Variants in SLC6A3 observed in about 807,000 individuals in gnomAD.
SLC6A3 encodes sodium-dependent dopamine transporter.
Under a neutral mutation model 70.4 loss-of-function variants are expected in SLC6A3, and 19 were observed. The ratio of observed to expected loss-of-function variants is 0.27; its 90% confidence interval spans 0.19 to 0.40. The LOEUF is 0.40. SLC6A3 is among the 10% of genes least tolerant of loss of function. The pLI is 1.00. For synonymous variants in SLC6A3, 368 were observed against 356.6 expected (o/e 1.03, Z -0.36); for missense variants, 613 against 838.5 (o/e 0.73, Z 3.32).
Position 1,436,253 on chromosome 5 carries a change from G to A in SLC6A3, c.419-3555C>T, listed in dbSNP as rs1017323785. Reference sequence around the variant, plus strand: ...GCCAACTTCACCACGAGCTCCTCAAGCTCACCGAAGGCCCAGACGCAGGAA... The same window carrying A: ...GCCAACTTCACCACGAGCTCCTCAAACTCACCGAAGGCCCAGACGCAGGAA... On this transcript the variant is annotated intron_variant, in intron 3 of 14. Transcript: ENST00000270349. This position sits in a 1 kb window ranked among gnomAD's most constrained non-coding sequence, Gnocchi z 5.2. 2.0e-5 allele frequency among the ~76,000 whole-genome samples: 3 copies of A among 152,240 alleles called. No homozygotes were observed. Among genetic ancestry groups the A allele is most frequent in the African/African-American group, 4.8e-5 (2 of 41,470 alleles).
At position 1,421,332 on chromosome 5, in the gene SLC6A3, C is replaced by G; in HGVS notation, c.792+544G>C. On this transcript the variant is annotated intron_variant, in intron 5 of 14. Coordinates refer to ENST00000270349, the MANE Select transcript of SLC6A3 (RefSeq NM_001044.5). The surrounding 1 kb of genome is among the most constrained non-coding windows in gnomAD (Gnocchi z 7.2). ...AGCTGGGATTATAGGCACGTGCCACCGTGCCTGGCTAATTTCGTATTTTTA... is the reference window on the plus strand; with the variant it reads ...AGCTGGGATTATAGGCACGTGCCACGGTGCCTGGCTAATTTCGTATTTTTA... Among the ~76,000 whole-genome samples the G allele has an allele frequency of 6.6e-6, 1 of 152,072 alleles. No homozygotes were observed. Among genetic ancestry groups the G allele is most frequent in the Non-Finnish European group, 1.5e-5 (1 of 68,010 alleles).
rs41282615 is a variant in SLC6A3 at position 1,411,425 on chromosome 5, G to A, written c.1157-70C>T. 3,166 of 1,137,478 alleles carry A rather than the reference G, an allele frequency of 2.8e-3. 8 individuals are homozygous for A. The highest frequency in any genetic ancestry group is 4.2e-3 in the Middle Eastern group (16 of 3,774). The allele number at this position is 1,137,478 out of a possible 1,614,324, so 70.5% of individuals were successfully genotyped here. A position where few individuals can be genotyped will look rare whatever the true frequency, so the allele number is the denominator to read the frequency against. On this transcript the variant is annotated intron_variant, in intron 8 of 14. Transcript: ENST00000270349. The surrounding 1 kb of genome is among the most constrained non-coding windows in gnomAD (Gnocchi z 6.5). ...TCTCCCGCCCATCCTGCCCCACCCC[G>A]CCCCGAGAAGCATGGCCTGCCACAG...
At chr5:1,414,213 A>G (rs1756198196) in intron 8 of SLC6A3, among the ~76,000 whole-genome samples, 1 of 151,726 alleles carries the variant, frequency 6.6e-6, no homozygotes, top group Admixed American at 6.6e-5. Context: ...CGTGGCAAGC[A>G]AACATCTAGA....
intron 14 of SLC6A3, among the ~76,000 whole-genome samples, chr5:1,399,253 G>A (rs948858340): frequency 6.6e-6 from 1 of 152,010 alleles, no homozygotes; most frequent in Non-Finnish European, 1.5e-5. Context: ...AAGTCACAAT[G>A]GAAATTAAAA....
chr5:1,392,867 C>G lies in SLC6A3; in HGVS notation c.*1868G>C, dbSNP rs149525961. ...CTGAATAGAGATTGGTCAACAGACA[C>G]GGACAACACCTGGGTTGCTACACGG... On this transcript the variant is annotated 3_prime_UTR_variant, in exon 15 of 15. Coordinates refer to ENST00000270349, the MANE Select transcript of SLC6A3 (RefSeq NM_001044.5). The G allele has an allele frequency of 1.1e-4, 17 of 152,258 alleles. No homozygotes were observed. The highest frequency in any genetic ancestry group is 4.1e-4 in the African/African-American group (17 of 41,432). 9.4% of individuals were successfully genotyped at this position (152,258 alleles called of 1,614,324 possible).
intron 12 of SLC6A3, among the ~76,000 whole-genome samples, chr5:1,403,671 C>T (rs1273285099): frequency 6.6e-6 from 1 of 152,098 alleles, no homozygotes; most frequent in Non-Finnish European, 1.5e-5. Context: ...GAAGACACAA[C>T]TGTGACCCAT....
intron 9 of SLC6A3, among the ~76,000 whole-genome samples, chr5:1,410,201 G>A (rs1756083229): frequency 6.6e-6 from 1 of 152,216 alleles, no homozygotes; most frequent in Non-Finnish European, 1.5e-5. Flanking sequence ...TGAGCAAGAT[G>A]CGTCCCCCAC....
Position 1,406,234 on chromosome 5 carries a change from A to G in SLC6A3, c.1553T>C (p.Leu518Pro). The change falls in exon 12 of 15, where the codon CTG becomes CCG. Residue 518 changes from leucine to proline, a missense_variant. This residue lies in a region of SLC6A3 where 348 missense variants were observed against 481.2 expected (regional missense o/e 0.72). Coordinates refer to ENST00000270349, the MANE Select transcript of SLC6A3 (RefSeq NM_001044.5). The surrounding 1 kb of genome is among the most constrained non-coding windows in gnomAD (Gnocchi z 8.8). Reference protein sequence around the residue: ...IQQMTGQRPSLYWRLCWKLVS... With the variant: ...IQQMTGQRPSPYWRLCWKLVS... ...CAGCTTCCAGCACAGCCGCCAGTAC[A>G]GGCTGGGCCGCTGCCCGGTCATCTG... is the stretch of plus-strand genomic sequence containing the variant. 1 of 1,613,034 alleles carries G rather than the reference A, an allele frequency of 6.2e-7. No homozygotes were observed. Among genetic ancestry groups the G allele is most frequent in the Non-Finnish European group, 8.5e-7 (1 of 1,180,002 alleles).
Position 1,396,259 on chromosome 5 carries a change from A to T in SLC6A3, c.1840-1501T>A, listed in dbSNP as rs1323824206. 2.0e-5 allele frequency among the ~76,000 whole-genome samples: 3 copies of T among 152,224 alleles called. No individual in the cohort carries two copies. The highest frequency in any genetic ancestry group is 2.9e-5 in the Non-Finnish European group (2 of 68,038). On this transcript the variant is annotated intron_variant, in intron 14 of 14. Coordinates refer to ENST00000270349, the MANE Select transcript of SLC6A3 (RefSeq NM_001044.5). This position sits in a 1 kb window ranked among gnomAD's most constrained non-coding sequence, Gnocchi z 7.0. ...CGGTAGGTGAAACGTAGCTATGGAT[A>T]CAAACATTTCTGACCTAGATGGAAT...
rs760385170 is a variant in SLC6A3, at chr5:1,408,203, A to ATTTTTTTTT, written c.1498+814_1498+822dup. The stretch of plus-strand genomic sequence containing the variant: ...AGCCTTGTGCCACCACACCCGGCTA[A>ATTTTTTTTT]TTTTTTTTTTTTTTTTTTTTAGTAA... On this transcript the variant is annotated intron_variant, in intron 11 of 14. Coordinates refer to ENST00000270349, the MANE Select transcript of SLC6A3 (RefSeq NM_001044.5). This position sits in a 1 kb window ranked among gnomAD's most constrained non-coding sequence, Gnocchi z 6.4. Among the ~76,000 whole-genome samples the ATTTTTTTTT allele has an allele frequency of 7.6e-6, 1 of 131,542 alleles. No individual in the cohort carries two copies. The allele number at this position is 131,542 out of a possible 152,430, so 86.3% of individuals were successfully genotyped here. A position where few individuals can be genotyped will look rare whatever the true frequency, so the allele number is the denominator to read the frequency against.
At chr5:1,420,199 C>A (rs897924130) in intron 6 of SLC6A3, among the ~76,000 whole-genome samples, 1 of 152,244 alleles carries the variant, frequency 6.6e-6, no homozygotes, top group African/African-American at 2.4e-5. Flanking sequence ...CCGCCAACAG[C>A]TGCTTCTGTT....
Position 1,406,338 on chromosome 5 carries a change from C to A in SLC6A3, c.1499-50G>T. On this transcript the variant is annotated intron_variant, in intron 11 of 14. Coordinates refer to ENST00000270349, the MANE Select transcript of SLC6A3 (RefSeq NM_001044.5). This position sits in a 1 kb window ranked among gnomAD's most constrained non-coding sequence, Gnocchi z 8.8. ...TGTCCATCAGGGCAGCGCATTCCCCCGATGCTGGACACGTGTGGGGGTCCT... is the reference window on the plus strand; with the variant it reads ...TGTCCATCAGGGCAGCGCATTCCCCAGATGCTGGACACGTGTGGGGGTCCT... The A allele has an allele frequency of 1.4e-6, 2 of 1,466,194 alleles. No homozygotes were observed. Among genetic ancestry groups the A allele is most frequent in the Middle Eastern group, 1.7e-4 (1 of 5,806 alleles). 90.8% of individuals were successfully genotyped at this position (1,466,194 alleles called of 1,614,324 possible). A position where few individuals can be genotyped will look rare whatever the true frequency, so the allele number is the denominator to read the frequency against.
At position 1,438,500 on chromosome 5, in the gene SLC6A3, T is replaced by C. The variant is rs575208450; in HGVS notation, c.418+2859A>G. Among the ~76,000 whole-genome samples the C allele has an allele frequency of 1.1e-3, 173 of 152,380 alleles. 2 individuals carry two copies. Among genetic ancestry groups the C allele is most frequent in the Middle Eastern group, 3.4e-3 (1 of 294 alleles). ...CTGATGGAAGTCAGAGGTTCTCTACTAGCCCAAGTTGAGTTGGTGCTCTGA... is the reference window on the plus strand; with the variant it reads ...CTGATGGAAGTCAGAGGTTCTCTACCAGCCCAAGTTGAGTTGGTGCTCTGA... On this transcript the variant is annotated intron_variant, in intron 3 of 14. Transcript: ENST00000270349. The surrounding 1 kb of genome is among the most constrained non-coding windows in gnomAD (Gnocchi z 6.5).
rs1192941081 is a variant in SLC6A3 at position 1,438,723 on chromosome 5, C to T, written c.418+2636G>A. Among the ~76,000 whole-genome samples the T allele has an allele frequency of 1.4e-4, 22 of 152,306 alleles. No individual in the cohort carries two copies. In the South Asian group the frequency reaches 2.3e-3, roughly 16 times the overall value. The stretch of plus-strand genomic sequence containing the variant: ...AGAGGTGATTTAACTTGCTCCAACA[C>T]CAGGCTCACTGGCGGGAGTGGGGCA... On this transcript the variant is annotated intron_variant, in intron 3 of 14. Coordinates refer to ENST00000270349, the MANE Select transcript of SLC6A3 (RefSeq NM_001044.5). The surrounding 1 kb of genome is among the most constrained non-coding windows in gnomAD (Gnocchi z 6.5).
chr5:1,442,906 A>T lies in SLC6A3; in HGVS notation c.286+6T>A, dbSNP rs781075043. 3 of 1,614,040 alleles carry T rather than the reference A, an allele frequency of 1.9e-6. No individual in the cohort carries two copies. The Admixed American group carries it at 5.0e-5, about 27-fold the overall frequency. On this transcript the variant is annotated splice_donor_region_variant and intron_variant, in intron 2 of 14. Transcript: ENST00000270349. This position sits in a 1 kb window ranked among gnomAD's most constrained non-coding sequence, Gnocchi z 5.0. ...GCATGCTCAGGGAGGCTGAGATGGGACTTACCGCCACCATTTTTGTAGCAC... is the reference window on the plus strand; with the variant it reads ...GCATGCTCAGGGAGGCTGAGATGGGTCTTACCGCCACCATTTTTGTAGCAC...
At position 1,421,729 on chromosome 5, in the gene SLC6A3, C is replaced by T. The variant is rs1261642210; in HGVS notation, c.792+147G>A. On this transcript the variant is annotated intron_variant, in intron 5 of 14. Coordinates refer to ENST00000270349, the MANE Select transcript of SLC6A3 (RefSeq NM_001044.5). This position sits in a 1 kb window ranked among gnomAD's most constrained non-coding sequence, Gnocchi z 7.2. ...ATGAGTCTCCCAAACTCAACCATGG[C>T]CATGTGTCCACCCCAACCTGGCCAT... 1.5e-5 allele frequency: 13 copies of T among 855,286 alleles called. No homozygotes were observed. 53.0% of individuals were successfully genotyped at this position (855,286 alleles called of 1,614,324 possible). A position where few individuals can be genotyped will look rare whatever the true frequency, so the allele number is the denominator to read the frequency against.
chr5:1,441,050 G>A lies in SLC6A3; in HGVS notation c.418+309C>T, dbSNP rs1324504583. The stretch of plus-strand genomic sequence containing the variant: ...ATAACAGATGATTGACGGATGGACC[G>A]ATGGATGATAGGTAGATGGCAGATC... On this transcript the variant is annotated intron_variant, in intron 3 of 14. Coordinates refer to ENST00000270349, the MANE Select transcript of SLC6A3 (RefSeq NM_001044.5). Among the ~76,000 whole-genome samples the A allele has an allele frequency of 2.0e-5, 3 of 152,246 alleles. 1 individual carries two copies. The highest frequency in any genetic ancestry group is 4.8e-5 in the African/African-American group (2 of 41,470).
chr5:1,394,468 C>G lies in SLC6A3; in HGVS notation c.*267G>C, dbSNP rs111236630. On this transcript the variant is annotated 3_prime_UTR_variant, in exon 15 of 15. Coordinates refer to ENST00000270349, the MANE Select transcript of SLC6A3 (RefSeq NM_001044.5). The surrounding 1 kb of genome is among the most constrained non-coding windows in gnomAD (Gnocchi z 4.7). Reference sequence around the variant, plus strand: ...AGACAGCATGAAGTTAGACGTTTTTCTGCCCTGCAGGGACAACAACGGGGT... The same window carrying G: ...AGACAGCATGAAGTTAGACGTTTTTGTGCCCTGCAGGGACAACAACGGGGT... 3.4e-5 allele frequency: 20 copies of G among 587,004 alleles called. 2 individuals are homozygous for G. The highest frequency in any genetic ancestry group is 3.2e-4 in the African/African-American group (17 of 53,682). 36.4% of individuals were successfully genotyped at this position (587,004 alleles called of 1,614,324 possible). A position where few individuals can be genotyped will look rare whatever the true frequency, so the allele number is the denominator to read the frequency against.
At chr5:1,416,021 G>C (rs1579711133) in intron 7 of SLC6A3, 77 bp downstream of exon 7, 1 of 1,114,332 alleles carries the variant, frequency 9.0e-7, no homozygotes, top group East Asian at 2.4e-5. Flanking sequence ...TCTCATCCAG[G>C]GACACCCTAT....
Sources: allele counts gnomAD v4.1 joint callset (sites outside exome capture counted in the v4.1 genomes callset), GRCh38; gene constraint gnomAD v4.1.1; regional missense constraint gnomAD v4.1.1; non-coding constraint Gnocchi (gnomAD v3.1); transcripts MANE v1.5; gene names NCBI Gene and HGNC (gene_info 2026-07-23, HGNC 2026-07-21).